The following LYPD6B variants were observed in gnomAD, a reference collection of about 807,000 sequenced individuals.
LYPD6B encodes the protein ly6/PLAUR domain-containing protein 6B.
A neutral mutation model predicts 22.8 loss-of-function variants in LYPD6B; 17 were observed. The ratio of observed to expected loss-of-function variants is 0.75; its 90% confidence interval spans 0.51 to 1.12. The LOEUF is 1.12. Among genes scored for constraint, LYPD6B ranks in the 50% most tolerant of loss-of-function variants. The probability of loss-of-function intolerance (pLI) is 0.00; values close to 1 mark genes in which losing one functional copy is unlikely to be tolerated. For missense variants in LYPD6B, 221 were observed against 258.3 expected, an observed-to-expected ratio of 0.86 and a Z score of 0.99; for synonymous variants, 106 against 91.6, an observed-to-expected ratio of 1.16 and a Z score of -0.90.
At chr2:149,101,563 T>A (rs1686211750) in intron 1 of LYPD6B, 1 of 152,342 alleles carries the variant, frequency 6.6e-6, no homozygotes, top group African/African-American at 2.4e-5. Flanking sequence ...AAGATCCACC[T>A]CATGTGCTGT....
intron 1 of LYPD6B, among the ~76,000 whole-genome samples, chr2:149,055,521 T>C (rs1479884058): frequency 2.0e-5 from 3 of 152,218 alleles, no homozygotes; most frequent in Non-Finnish European, 4.4e-5. Context: ...GAAAACCGGA[T>C]GCTTTTCCGG....
chr2:149,125,440 T>G (rs868010146), intron 1 of LYPD6B, among the ~76,000 whole-genome samples: 4 of 152,192 alleles, frequency 2.6e-5, no homozygotes, highest in Admixed American at 6.5e-5. Context: ...GGCCATGGAA[T>G]TCTCTGGAGA....
At chr2:149,099,432 C>T (rs1239370698) in intron 1 of LYPD6B, among the ~76,000 whole-genome samples, 1 of 151,472 alleles carries the variant, frequency 6.6e-6, no homozygotes, top group African/African-American at 2.4e-5. Flanking sequence ...GATCCTTGTA[C>T]CTAGGATCCT....
chr2:149,118,211 G>C (rs1210897955), intron 1 of LYPD6B: 1 of 152,240 alleles, frequency 6.6e-6, no homozygotes, highest in African/African-American at 2.4e-5. Flanking sequence ...ACATAGCTGT[G>C]ACTACCAGGG....
chr2:149,137,182 C>T (rs1041705323), intron 2 of LYPD6B, among the ~76,000 whole-genome samples: 2 of 152,050 alleles, frequency 1.3e-5, no homozygotes, highest in Admixed American at 6.6e-5. Context: ...TCCTGTGAGT[C>T]AAAGAGGGGG....
intron 3 of LYPD6B, among the ~76,000 whole-genome samples, chr2:149,178,139 A>C (rs1691453587): frequency 6.6e-6 from 1 of 152,176 alleles, no homozygotes; most frequent in Non-Finnish European, 1.5e-5. Context: ...TAAATCTAAA[A>C]TACACTAAGT....
At chr2:149,164,066 G>A (rs1417194898) in intron 3 of LYPD6B, among the ~76,000 whole-genome samples, 1 of 152,088 alleles carries the variant, frequency 6.6e-6, no homozygotes, top group Non-Finnish European at 1.5e-5. Flanking sequence ...CGGAGATACG[G>A]TAGTTTGTGA....
intron 3 of LYPD6B, among the ~76,000 whole-genome samples, chr2:149,177,283 G>T (rs1691385324): frequency 1.3e-5 from 2 of 152,186 alleles, no homozygotes; most frequent in Non-Finnish European, 2.9e-5. Context: ...GTGGGGAAAT[G>T]CTTTTATTTT....
chr2:149,172,435 C>T (rs886752807), intron 3 of LYPD6B, among the ~76,000 whole-genome samples: 6 of 152,044 alleles, frequency 3.9e-5, no homozygotes, highest in African/African-American at 4.8e-5. Flanking sequence ...AAAACCTACC[C>T]GACCACATGC....
intron 3 of LYPD6B, among the ~76,000 whole-genome samples, chr2:149,184,079 C>T (rs186921936): frequency 1.3e-5 from 2 of 152,048 alleles, no homozygotes; most frequent in East Asian, 3.9e-4. Flanking sequence ...GTGATCCCAG[C>T]TACTCGGGAG....
At chr2:149,178,950 T>C (rs1159896266) in intron 3 of LYPD6B, among the ~76,000 whole-genome samples, 1 of 152,250 alleles carries the variant, frequency 6.6e-6, no homozygotes. Context: ...TCAATTTTCA[T>C]TTCTGTCTAC....
At chr2:149,077,235 G>T (rs1412384935) in intron 1 of LYPD6B, among the ~76,000 whole-genome samples, 1 of 152,184 alleles carries the variant, frequency 6.6e-6, no homozygotes, top group Non-Finnish European at 1.5e-5. Context: ...TCAGACTGGG[G>T]ACATGCCCAG....
intron 2 of LYPD6B, among the ~76,000 whole-genome samples, chr2:149,144,194 A>C (rs1343542875): frequency 1.3e-5 from 2 of 152,184 alleles, no homozygotes; most frequent in African/African-American, 4.8e-5. Context: ...AGCTTAATGC[A>C]GAGGATGGCA....
intron 1 of LYPD6B, among the ~76,000 whole-genome samples, chr2:149,057,852 G>A (rs1979481): frequency 0.52 from 79,749 of 151,912 alleles, 22,431 homozygotes; most frequent in Non-Finnish European, 0.61. Flanking sequence ...GGGGATTGGT[G>A]GTCATAGCAG....
chr2:149,180,590 T>C (rs1013543973), intron 3 of LYPD6B, among the ~76,000 whole-genome samples: 32 of 152,202 alleles, frequency 2.1e-4, no homozygotes, highest in African/African-American at 7.2e-4. Context: ...TAGACCCTCT[T>C]TCCTACTGGA....
chr2:149,121,518 G>A (rs1486010423), intron 1 of LYPD6B, among the ~76,000 whole-genome samples: 1 of 152,214 alleles, frequency 6.6e-6, no homozygotes, highest in East Asian at 1.9e-4. Context: ...TGAAGAGGAT[G>A]TCATGAAGGG....
Position 149,182,559 on chromosome 2 carries a change from T to G in LYPD6B, c.77+21724T>G, listed in dbSNP as rs116185250. On this transcript the variant is annotated intron_variant, in intron 3 of 6. Transcript: ENST00000409642. ...TTAAGAAGCAGCGTAAATAAGTTGCTTGGGTGAGATACTCTCTTGAAAATT... is the reference window on the plus strand; with the variant it reads ...TTAAGAAGCAGCGTAAATAAGTTGCGTGGGTGAGATACTCTCTTGAAAATT... Among the ~76,000 whole-genome samples the G allele has an allele frequency of 7.8e-3, 1,189 of 152,282 alleles. 15 individuals are homozygous for G. The highest frequency in any genetic ancestry group is 0.028 in the African/African-American group (1,146 of 41,544).
At chr2:149,080,949 A>T (rs1351742675) in intron 1 of LYPD6B, among the ~76,000 whole-genome samples, 1 of 151,766 alleles carries the variant, frequency 6.6e-6, no homozygotes, top group East Asian at 1.9e-4. Context: ...GTTTATAAAG[A>T]GTAGATGGGA....
At chr2:149,056,671 C>T (rs375124220) in intron 1 of LYPD6B, among the ~76,000 whole-genome samples, 8 of 152,258 alleles carry the variant, frequency 5.3e-5, no homozygotes, top group Admixed American at 1.3e-4. Context: ...CACACACATA[C>T]ATACAACATC....
Sources: gnomAD v4.1 joint callset for allele counts (sites outside exome capture counted in the v4.1 genomes callset) on GRCh38, gnomAD v4.1.1 for gene constraint, MANE v1.5 for transcripts, NCBI Gene and HGNC (gene_info 2026-07-23, HGNC 2026-07-21) for gene names.